PCDHA4: variants seen among roughly 807,000 people sequenced by gnomAD.
The protein encoded by PCDHA4 is protocadherin alpha-4.
A neutral mutation model predicts 61.4 loss-of-function variants in PCDHA4; 49 were observed. The observed-to-expected ratio is 0.80, with a 90% CI of 0.63 to 1.01. The LOEUF (loss-of-function observed/expected upper bound fraction) is 1.01. PCDHA4 is among the 50% of genes least tolerant of loss of function. The pLI, the probability that PCDHA4 is intolerant of heterozygous loss-of-function variation, is 0.00. For missense variants in PCDHA4, 1,254 were observed against 1,235.8 expected (o/e 1.01, Z -0.22); for synonymous variants, 590 against 550.3 (o/e 1.07, Z -1.01).
At chr5:140,980,713 C>T (rs1034858406) in intron 2 of PCDHA4, among the ~76,000 whole-genome samples, 2 of 151,366 alleles carry the variant, frequency 1.3e-5, no homozygotes, top group Non-Finnish European at 2.9e-5. Flanking sequence ...TGCTCCTATT[C>T]GGGTTTCAAT....
chr5:140,927,970 G>A (rs1554205315), intron 1 of PCDHA4: 1 of 1,614,216 alleles, frequency 6.2e-7, no homozygotes, highest in East Asian at 2.2e-5. Context: ...CACAGTGATT[G>A]CTCTCTTTAG....
chr5:140,823,460 C>T lies in PCDHA4; in HGVS notation c.2385+13888C>T, dbSNP rs2150125979. 19 of 1,613,290 alleles carry T rather than the reference C, an allele frequency of 1.2e-5. No homozygotes were observed. The highest frequency in any genetic ancestry group is 6.7e-5 in the Admixed American group (4 of 59,980). ...GTGCTGGACGAGAACGACAACGCGC[C>T]GGCGCTGCTGGTGCCTCGAGTGGGT... On this transcript the variant is annotated intron_variant, in intron 1 of 3. Coordinates refer to ENST00000530339, the MANE Select transcript of PCDHA4 (RefSeq NM_018907.4).
intron 3 of PCDHA4, among the ~76,000 whole-genome samples, chr5:140,995,650 A>T (rs1166713964): frequency 6.6e-6 from 1 of 152,182 alleles, no homozygotes; most frequent in Non-Finnish European, 1.5e-5. Context: ...GAAAAGGAGA[A>T]TCGAAAAGGG....
intron 1 of PCDHA4, among the ~76,000 whole-genome samples, chr5:140,839,496 C>G (rs1776254419): frequency 6.6e-6 from 1 of 151,958 alleles, no homozygotes; most frequent in African/African-American, 2.4e-5. Context: ...CTCAAGTGAT[C>G]TTCCTACCTC....
chr5:140,811,945 T>C (rs189961748), intron 1 of PCDHA4: 1 of 152,198 alleles, frequency 6.6e-6, no homozygotes, highest in South Asian at 2.1e-4. Context: ...TCCCATTCTG[T>C]AGGTTGCCTG....
chr5:140,869,972 A>T (rs782424515), intron 1 of PCDHA4: 14 of 1,613,080 alleles, frequency 8.7e-6, no homozygotes. Context: ...AATGGAAGAC[A>T]CTTATTTACA....
chr5:140,893,636 G>A (rs2064097174), intron 1 of PCDHA4, among the ~76,000 whole-genome samples: 1 of 152,170 alleles, frequency 6.6e-6, no homozygotes, highest in Non-Finnish European at 1.5e-5. Flanking sequence ...GCTTGGTATA[G>A]TATTTTTGGC....
At chr5:140,884,810 G>A in intron 1 of PCDHA4, 1 of 1,150,538 alleles carries the variant, frequency 8.7e-7, no homozygotes, top group Non-Finnish European at 1.2e-6. Context: ...CAACTCTGCT[G>A]TGGACATTAT....
At position 140,870,584 on chromosome 5, in the gene PCDHA4, T is replaced by C. The variant is rs782563992; in HGVS notation, c.2385+61012T>C. The C allele has an allele frequency of 2.5e-6, 4 of 1,613,672 alleles. No homozygotes were observed. In the African/African-American group the frequency reaches 5.3e-5, roughly 22 times the overall value. On this transcript the variant is annotated intron_variant, in intron 1 of 3. Coordinates refer to ENST00000530339, the MANE Select transcript of PCDHA4 (RefSeq NM_018907.4). ...AACGCGCTGGTGTCCTACTCGCTGG[T>C]GGAGCGGCGGTTGGGCGACCGCGCG...
At chr5:140,822,605 T>C (rs1335450895) in intron 1 of PCDHA4, 6 of 1,607,780 alleles carry the variant, frequency 3.7e-6, no homozygotes, top group Non-Finnish European at 5.1e-6. Flanking sequence ...AAGGAAATAG[T>C]GTATTTCTTT....
intron 1 of PCDHA4, chr5:140,834,468 G>A: frequency 6.2e-7 from 1 of 1,614,146 alleles, no homozygotes; most frequent in Non-Finnish European, 8.5e-7. Flanking sequence ...GGCAGGGAGA[G>A]GCCAGCTCCA....
intron 1 of PCDHA4, chr5:140,834,304 A>C: frequency 7.6e-7 from 1 of 1,322,818 alleles, no homozygotes; most frequent in Non-Finnish European, 1.0e-6. Context: ...ACACATCGAG[A>C]TTGAAATGAA....
intron 1 of PCDHA4, among the ~76,000 whole-genome samples, chr5:140,940,287 C>T (rs190568424): frequency 6.6e-6 from 1 of 152,272 alleles, no homozygotes; most frequent in East Asian, 1.9e-4. Context: ...CATTGTGCTG[C>T]TTCATCAGTA....
chr5:140,975,516 G>T (rs1310855349), intron 1 of PCDHA4, among the ~76,000 whole-genome samples: 1 of 152,166 alleles, frequency 6.6e-6, no homozygotes, highest in Non-Finnish European at 1.5e-5. Flanking sequence ...TGCAAAATCT[G>T]CAGTGGATAT....
At position 140,862,768 on chromosome 5, in the gene PCDHA4, G is replaced by C. The variant is rs1409687409; in HGVS notation, c.2385+53196G>C. The C allele has an allele frequency of 8.7e-6, 5 of 576,458 alleles. No individual in the cohort carries two copies. The African/African-American group carries it at 9.8e-5, about 11-fold the overall frequency. 35.7% of individuals were successfully genotyped at this position (576,458 alleles called of 1,614,324 possible). A position where few individuals can be genotyped will look rare whatever the true frequency, so the allele number is the denominator to read the frequency against. On this transcript the variant is annotated intron_variant, in intron 1 of 3. Transcript: ENST00000530339. ...GCACGCGGAGAGCGGCAAGAGGTAC[G>C]CGTTGCAGCCACTGGACTACGAGGA...
chr5:140,865,816 A>G (rs1554159628), intron 1 of PCDHA4: 1 of 152,168 alleles, frequency 6.6e-6, no homozygotes, highest in East Asian at 1.9e-4. Context: ...TTTATCCACT[A>G]TAATGTAGAG....
intron 1 of PCDHA4, chr5:140,858,225 C>T (rs2045276704): frequency 6.3e-7 from 1 of 1,596,714 alleles, no homozygotes; most frequent in South Asian, 1.1e-5. Context: ...GCGGCGCCCA[C>T]CGAGGGCGCA....
intron 1 of PCDHA4, among the ~76,000 whole-genome samples, chr5:140,955,497 A>T (rs879951352): frequency 2.0e-5 from 3 of 152,100 alleles, no homozygotes; most frequent in Non-Finnish European, 4.4e-5. Flanking sequence ...CCACCATGTG[A>T]AGAAAGACGT....
At position 140,847,437 on chromosome 5, in the gene PCDHA4, C is replaced by T. The variant is rs959002697; in HGVS notation, c.2385+37865C>T. The T allele has an allele frequency of 2.0e-5, 3 of 149,574 alleles. 1 individual carries two copies. The highest frequency in any genetic ancestry group is 4.5e-5 in the Non-Finnish European group (3 of 66,910). 9.3% of individuals were successfully genotyped at this position (149,574 alleles called of 1,614,324 possible). ...CGGTTTTGCCTTTAGACTTGAGATA[C>T]ACTAAAATCTAGATTTAATTAATCG... is the stretch of plus-strand genomic sequence containing the variant. On this transcript the variant is annotated intron_variant, in intron 1 of 3. Coordinates refer to ENST00000530339, the MANE Select transcript of PCDHA4 (RefSeq NM_018907.4).
Sources: allele counts gnomAD v4.1 joint callset (sites outside exome capture counted in the v4.1 genomes callset), GRCh38; gene constraint gnomAD v4.1.1; transcripts MANE v1.5; gene names NCBI Gene and HGNC (gene_info 2026-07-23, HGNC 2026-07-21).